WWC2: variants seen among roughly 807,000 people sequenced by gnomAD.
The protein encoded by WWC2 is protein WWC2.
Under a neutral mutation model 138.5 loss-of-function variants are expected in WWC2, and 101 were observed. The observed-to-expected ratio is 0.73, with a 90% CI of 0.62 to 0.86. The LOEUF (loss-of-function observed/expected upper bound fraction) is 0.86. Among genes scored for constraint, WWC2 ranks in the 40% least tolerant of loss-of-function variants. The probability of loss-of-function intolerance (pLI) is 0.00; values close to 1 mark genes in which losing one functional copy is unlikely to be tolerated. For missense variants in WWC2, 1,420 were observed against 1,419.4 expected, an observed-to-expected ratio of 1.00 and a Z score of -0.01; for synonymous variants, 558 against 538.4, an observed-to-expected ratio of 1.04 and a Z score of -0.50.
At chr4:183,140,266 C>T (rs1184722792) in intron 1 of WWC2, among the ~76,000 whole-genome samples, 17 of 152,202 alleles carry the variant, frequency 1.1e-4, no homozygotes, top group Admixed American at 1.1e-3. Flanking sequence ...ACAAATATTA[C>T]TCTAAAACAG....
intron 1 of WWC2, among the ~76,000 whole-genome samples, chr4:183,107,107 TTCTG>T (rs1162740434): frequency 2.0e-5 from 3 of 152,074 alleles, no homozygotes; most frequent in Non-Finnish European, 4.4e-5. Context: ...TCTCTCCTCT[TTCTG>T]TCTCTCTCTT....
chr4:183,296,474 C>G (rs1212749230), intron 21 of WWC2, among the ~76,000 whole-genome samples: 1 of 152,118 alleles, frequency 6.6e-6, no homozygotes, highest in Non-Finnish European at 1.5e-5. Flanking sequence ...TAGAAACTGT[C>G]TGAAAAAGAG....
chr4:183,302,315 G>A (rs865986765), intron 21 of WWC2, among the ~76,000 whole-genome samples: 1 of 152,170 alleles, frequency 6.6e-6, no homozygotes, highest in Non-Finnish European at 1.5e-5. Flanking sequence ...GTGGATGCAC[G>A]TGGGATGACA....
chr4:183,278,161 A>G (rs901549861), intron 16 of WWC2, among the ~76,000 whole-genome samples: 5,780 of 152,064 alleles, frequency 0.038, 157 homozygotes, highest in Non-Finnish European at 0.063. Context: ...TGTATAAGGT[A>G]TAAGGAAGGG....
chr4:183,289,696 G>T (rs1483337033), intron 21 of WWC2, 61 bp downstream of exon 21: 5 of 1,573,520 alleles, frequency 3.2e-6, no homozygotes, highest in Non-Finnish European at 4.3e-6. Flanking sequence ...AGCGTGCCAT[G>T]TAGAAGGTAC....
At chr4:183,187,475 C>T (rs888617323) in intron 1 of WWC2, among the ~76,000 whole-genome samples, 22 of 151,352 alleles carry the variant, frequency 1.5e-4, no homozygotes, top group Admixed American at 1.3e-3. Context: ...ATCGCTTGAA[C>T]CTGGGAGGCG....
intron 1 of WWC2, among the ~76,000 whole-genome samples, chr4:183,122,059 A>G (rs940803418): frequency 1.3e-5 from 2 of 152,230 alleles, no homozygotes; most frequent in African/African-American, 2.4e-5. Context: ...TGCAGGGATT[A>G]CAGGCGTGAG....
rs1561438959 is a variant in WWC2 at position 183,154,026 on chromosome 4, A to AAAAAAAAAAAACAAAAAAAC, written c.132-39571_132-39570insAAAAAAAAACAAAAAAACAA. Among the ~76,000 whole-genome samples the AAAAAAAAAAAACAAAAAAAC allele has an allele frequency of 2.4e-4, 35 of 145,590 alleles. 3 individuals are homozygous for AAAAAAAAAAAACAAAAAAAC. The highest frequency in any genetic ancestry group is 9.6e-4 in the African/African-American group (35 of 36,334). On this transcript the variant is annotated intron_variant, in intron 1 of 22. Coordinates refer to ENST00000403733, the MANE Select transcript of WWC2 (RefSeq NM_024949.6). Reference sequence around the variant, plus strand: ...GCAAAAAAAAAAAAAAAAAAAAAAAAAACCCCAAATCTAATTCATCATTTA... The same window carrying AAAAAAAAAAAACAAAAAAAC: ...GCAAAAAAAAAAAAAAAAAAAAAAAAAAAAAAAAAAACAAAAAAACAACCCCAAATCTAATTCATCATTTA...
intron 16 of WWC2, among the ~76,000 whole-genome samples, chr4:183,278,879 C>A (rs1190303235): frequency 6.6e-6 from 1 of 150,848 alleles, no homozygotes; most frequent in Non-Finnish European, 1.5e-5. Context: ...AGGTTTTGGG[C>A]TGAGACAGTG....
At chr4:183,206,697 G>A (rs2111236826) in intron 2 of WWC2, among the ~76,000 whole-genome samples, 1 of 152,198 alleles carries the variant, frequency 6.6e-6, no homozygotes, top group Middle Eastern at 3.4e-3. Context: ...TTCTTTCACA[G>A]CAGAGGGGTC....
In WWC2 at chr4:183,310,667, AT is replaced by A. The variant is rs33923162; in HGVS notation, c.3385-1657del. On this transcript the variant is annotated intron_variant, in intron 21 of 22. Coordinates refer to ENST00000403733, the MANE Select transcript of WWC2 (RefSeq NM_024949.6). Reference sequence around the variant, plus strand: ...AGGCACATGCCACCACACCTAGCTAATTTTTTTTTTTTTTTTTCATAGAGAG... The same window carrying A: ...AGGCACATGCCACCACACCTAGCTAATTTTTTTTTTTTTTTTCATAGAGAG... 7.8e-4 allele frequency among the ~76,000 whole-genome samples: 102 copies of A among 130,940 alleles called. 1 individual carries two copies. The highest frequency in any genetic ancestry group is 1.9e-3 in the African/African-American group (65 of 34,692). 85.9% of individuals were successfully genotyped at this position (130,940 alleles called of 152,430 possible).
chr4:183,260,325 G>A (rs1427621874), intron 10 of WWC2, among the ~76,000 whole-genome samples: 1 of 152,070 alleles, frequency 6.6e-6, no homozygotes, highest in African/African-American at 2.4e-5. Context: ...TTTGCAAAAG[G>A]AGGATAATGT....
chr4:183,248,316 C>T (rs183000496), intron 6 of WWC2, among the ~76,000 whole-genome samples: 2 of 152,326 alleles, frequency 1.3e-5, no homozygotes, highest in East Asian at 1.9e-4. Context: ...AGTTCTTTTA[C>T]TGTATCTAAA....
chr4:183,231,249 C>T lies in WWC2; in HGVS notation c.523-8934C>T, dbSNP rs915640360. ...AGGGAAATTATTATTCCAACAGATA[C>T]AGTGAAAGCTTTTTTTTTTTTTTTT... On this transcript the variant is annotated intron_variant, in intron 4 of 22. Transcript: ENST00000403733. Among the ~76,000 whole-genome samples, 26 of 133,802 alleles carry T rather than the reference C, an allele frequency of 1.9e-4. 2 individuals are homozygous for T. The highest frequency in any genetic ancestry group is 1.7e-3 in the Admixed American group (22 of 12,636). The allele number at this position is 133,802 out of a possible 152,430, so 87.8% of individuals were successfully genotyped here.
intron 1 of WWC2, among the ~76,000 whole-genome samples, chr4:183,172,172 C>T (rs1240401579): frequency 6.6e-6 from 1 of 152,174 alleles, no homozygotes; most frequent in Admixed American, 6.5e-5. Flanking sequence ...ACCTCCTGCA[C>T]CTTCTGTTCT....
intron 4 of WWC2, among the ~76,000 whole-genome samples, chr4:183,235,752 A>C (rs1311148319): frequency 6.6e-6 from 1 of 152,214 alleles, no homozygotes; most frequent in Non-Finnish European, 1.5e-5. Context: ...CATTTAGAGT[A>C]TTTCTATATC....
rs150362602 is a variant in WWC2, at chr4:183,244,178, G to A, written c.603-1238G>A. Among the ~76,000 whole-genome samples, 844 of 152,222 alleles carry A rather than the reference G, an allele frequency of 5.5e-3. 15 individuals are homozygous for A. Among genetic ancestry groups the A allele is most frequent in the African/African-American group, 0.019 (791 of 41,534 alleles). The stretch of plus-strand genomic sequence containing the variant: ...AACGTGTATAGAGTTGTTGGGTGGG[G>A]CAGAGGCATAGCCATATGTCCCACA... On this transcript the variant is annotated intron_variant, in intron 5 of 22. Transcript: ENST00000403733.
At chr4:183,277,137 C>G (rs184103363) in intron 16 of WWC2, among the ~76,000 whole-genome samples, 4 of 139,040 alleles carry the variant, frequency 2.9e-5, no homozygotes, top group African/African-American at 8.0e-5. Flanking sequence ...TCCCTCCCCC[C>G]TCCCCACAAC....
At chr4:183,110,887 G>GAACA (rs1355448945) in intron 1 of WWC2, among the ~76,000 whole-genome samples, 4 of 152,016 alleles carry the variant, frequency 2.6e-5, no homozygotes, top group Non-Finnish European at 5.9e-5. Context: ...TTCTGAATGT[G>GAACA]AACAACAGAG....
Sources: allele counts gnomAD v4.1 joint callset (sites outside exome capture counted in the v4.1 genomes callset), GRCh38; gene constraint gnomAD v4.1.1; transcripts MANE v1.5; gene names NCBI Gene and HGNC (gene_info 2026-07-23, HGNC 2026-07-21).